Variants in SYN2 observed in about 807,000 individuals in gnomAD.
SYN2 encodes the protein synapsin II.
SYN2 carries 19 observed loss-of-function variants against 50.9 expected under a neutral mutation model. The ratio of observed to expected loss-of-function variants is 0.37; its 90% CI spans 0.26 to 0.55. The LOEUF (loss-of-function observed/expected upper bound fraction) is 0.55, where lower values mean the gene tolerates loss of function less well. SYN2 is among the 20% of genes least tolerant of loss of function. The pLI is 0.81. For missense variants in SYN2, 587 were observed against 576.4 expected (o/e 1.02, Z -0.19); for synonymous variants, 255 against 224.9 (o/e 1.13, Z -1.20).
chr3:12,063,243 T>C (rs1246023744), intron 1 of SYN2, among the ~76,000 whole-genome samples: 1 of 151,952 alleles, frequency 6.6e-6, no homozygotes, highest in Non-Finnish European at 1.5e-5. Flanking sequence ...AAAAATCACT[T>C]AGGGGATTGG....
At chr3:12,168,540 A>G (rs1190854601) in intron 9 of SYN2, 62 bp downstream of exon 9, 1 of 1,369,738 alleles carries the variant, frequency 7.3e-7, no homozygotes, top group African/African-American at 1.4e-5. Flanking sequence ...TGGGCAGCTC[A>G]GACTGCCTTT....
chr3:12,054,782 G>A (rs1694952230), intron 1 of SYN2, among the ~76,000 whole-genome samples: 1 of 151,574 alleles, frequency 6.6e-6, no homozygotes, highest in Admixed American at 6.6e-5. Flanking sequence ...TCTTTTCCAG[G>A]AGTTTTTAAA....
rs940702937 is a variant in SYN2 at position 12,004,892 on chromosome 3, A to G, written c.341A>G (p.Lys114Arg). Residue 114 changes from lysine (K) to arginine (R), a missense_variant, in exon 1 of 13, where the codon AAG becomes AGG. Coordinates refer to ENST00000621198, the MANE Select transcript of SYN2 (RefSeq NM_133625.6). ...APAPAAARKA[K>R]VLLVVDEPHA... is the part of the protein sequence containing the mutation. ...GCGCCCGCAGCCGCCAGGAAGGCCA[A>G]GGTGCTGCTGGTGGTCGACGAGCCG... The G allele has an allele frequency of 1.0e-5, 6 of 584,974 alleles. No individual in the cohort carries two copies. The highest frequency in any genetic ancestry group is 3.9e-5 in the African/African-American group (2 of 51,086). 36.2% of individuals were successfully genotyped at this position (584,974 alleles called of 1,614,324 possible).
rs553734637 is a variant in SYN2, at chr3:12,061,938, A to G, written c.377+57010A>G. 5.6e-4 allele frequency among the ~76,000 whole-genome samples: 85 copies of G among 152,202 alleles called. 1 individual carries two copies. The highest frequency in any genetic ancestry group is 1.6e-3 in the African/African-American group (68 of 41,576). The stretch of plus-strand genomic sequence containing the variant: ...AAGACTCAATATTGTTAAGATGTCA[A>G]GTCTTCCCAACTTGATCTGTAGATG... On this transcript the variant is annotated intron_variant, in intron 1 of 12. Transcript: ENST00000621198.
chr3:12,106,049 G>A (rs554682431), intron 1 of SYN2, among the ~76,000 whole-genome samples: 1 of 152,268 alleles, frequency 6.6e-6, no homozygotes, highest in African/African-American at 2.4e-5. Flanking sequence ...TTCTTATCTG[G>A]AGACACTGGG....
intron 9 of SYN2, 60 bp downstream of exon 9, chr3:12,168,538 T>TGAGCTGCCCA: frequency 7.3e-7 from 1 of 1,378,258 alleles, no homozygotes; most frequent in Non-Finnish European, 1.0e-6. Context: ...TGTGGGCAGC[T>TGAGCTGCCCA]CAGACTGCCT....
chr3:12,089,807 C>T (rs761255722), intron 1 of SYN2, among the ~76,000 whole-genome samples: 5 of 151,924 alleles, frequency 3.3e-5, no homozygotes, highest in East Asian at 1.9e-4. Flanking sequence ...AATGTAGGCA[C>T]GATGTCATAG....
rs149978486 is a variant in SYN2 at position 12,181,556 on chromosome 3, G to A, written c.1309-1756G>A. Reference sequence around the variant, plus strand: ...TGCTGATGATACCTCATACGGTACTGTGAGGTACAGGGAGATAGTGCACAA... The same window carrying A: ...TGCTGATGATACCTCATACGGTACTATGAGGTACAGGGAGATAGTGCACAA... On this transcript the variant is annotated intron_variant, in intron 10 of 12. Transcript: ENST00000621198. Among the ~76,000 whole-genome samples, 488 of 152,344 alleles carry A rather than the reference G, an allele frequency of 3.2e-3. 1 individual carries two copies. The highest frequency in any genetic ancestry group is 0.011 in the African/African-American group (469 of 41,578).
At chr3:12,087,313 T>C (rs1401051714) in intron 1 of SYN2, among the ~76,000 whole-genome samples, 1 of 152,128 alleles carries the variant, frequency 6.6e-6, no homozygotes, top group African/African-American at 2.4e-5. Context: ...TTCAGTGTAA[T>C]CCCTATTGAA....
chr3:12,168,182 A>C (rs2125242392), intron 8 of SYN2, among the ~76,000 whole-genome samples, 194 bp from the exon 9 acceptor site: 1 of 152,292 alleles, frequency 6.6e-6, no homozygotes, highest in East Asian at 1.9e-4. Context: ...TGGGCCTGCA[A>C]AAATGGGTAG....
intron 1 of SYN2, among the ~76,000 whole-genome samples, chr3:12,105,449 T>G (rs1045758039): frequency 6.9e-6 from 1 of 145,348 alleles, no homozygotes; most frequent in African/African-American, 2.5e-5. Flanking sequence ...GAAGAAAAGA[T>G]TTTCTTTCCT....
chr3:12,099,097 T>C (rs1166302743), intron 1 of SYN2, among the ~76,000 whole-genome samples: 1 of 151,978 alleles, frequency 6.6e-6, no homozygotes, highest in Non-Finnish European at 1.5e-5. Context: ...AGGGAAAAAT[T>C]GACAATTCAA....
At chr3:12,127,013 C>T (rs1253290760) in intron 1 of SYN2, among the ~76,000 whole-genome samples, 2 of 152,118 alleles carry the variant, frequency 1.3e-5, no homozygotes, top group Non-Finnish European at 1.5e-5. Flanking sequence ...TCTAATGAAT[C>T]TTTGTTGCAT....
chr3:12,014,228 A>T (rs751582632), intron 1 of SYN2, among the ~76,000 whole-genome samples: 16 of 152,174 alleles, frequency 1.1e-4, no homozygotes, highest in Non-Finnish European at 2.2e-4. Context: ...ATAGGGCTTG[A>T]CACATAGATT....
intron 8 of SYN2, 24 bp from the exon 9 acceptor site, chr3:12,168,352 A>G (rs757460434): frequency 6.9e-6 from 11 of 1,603,696 alleles, no homozygotes; most frequent in Non-Finnish European, 9.4e-6. Context: ...CCCCAGCTTC[A>G]GGACACCTTC....
chr3:12,034,278 C>G (rs1694446588), intron 1 of SYN2, among the ~76,000 whole-genome samples: 1 of 152,128 alleles, frequency 6.6e-6, no homozygotes, highest in Non-Finnish European at 1.5e-5. Flanking sequence ...TTGCATTTCC[C>G]TAATGATTAA....
At chr3:12,100,571 T>G (rs1197234873) in intron 1 of SYN2, among the ~76,000 whole-genome samples, 2 of 152,156 alleles carry the variant, frequency 1.3e-5, no homozygotes, top group Non-Finnish European at 2.9e-5. Context: ...GATAATAGTT[T>G]CTTAGATATG....
chr3:12,077,853 G>A (rs1695505377), intron 1 of SYN2, among the ~76,000 whole-genome samples: 1 of 152,134 alleles, frequency 6.6e-6, no homozygotes, highest in African/African-American at 2.4e-5. Flanking sequence ...GGATTGCTGG[G>A]TCAAATGGTA....
Position 12,191,273 on chromosome 3 carries a change from C to A in SYN2, c.*648C>A. ...AAGAGTGGTTCTTATGTGCAATCTGCAGTAACCTTGAACTCCAGAGCTGCA... is the reference window on the plus strand; with the variant it reads ...AAGAGTGGTTCTTATGTGCAATCTGAAGTAACCTTGAACTCCAGAGCTGCA... On this transcript the variant is annotated 3_prime_UTR_variant, in exon 13 of 13. Transcript: ENST00000621198. 2 of 772,956 alleles carry A rather than the reference C, an allele frequency of 2.6e-6. No homozygotes were observed. Among genetic ancestry groups the A allele is most frequent in the South Asian group, 5.9e-5 (1 of 16,992 alleles). The allele number at this position is 772,956 out of a possible 1,614,324, so 47.9% of individuals were successfully genotyped here.
Sources: gnomAD v4.1 joint callset for allele counts (sites outside exome capture counted in the v4.1 genomes callset) on GRCh38, gnomAD v4.1.1 for gene constraint, MANE v1.5 for transcripts, NCBI Gene and HGNC (gene_info 2026-07-23, HGNC 2026-07-21) for gene names.